CNTN3: variants seen among roughly 807,000 people sequenced by gnomAD.
The protein encoded by CNTN3 is contactin-3.
In CNTN3, 60 loss-of-function variants were observed where a neutral mutation model predicts 119.1. The observed-to-expected ratio is 0.50, with a 90% confidence interval of 0.41 to 0.62. CNTN3 has a LOEUF of 0.62. Among genes scored for constraint, CNTN3 ranks in the 20% least tolerant of loss-of-function variants. CNTN3 has a pLI of 0.00. For missense variants in CNTN3, 1,101 were observed against 1,242.4 expected (o/e 0.89, Z 1.71); for synonymous variants, 450 against 438.7 (o/e 1.03, Z -0.32).
chr3:74,488,929 C>A (rs949009428), intron 3 of CNTN3, among the ~76,000 whole-genome samples: 1 of 152,158 alleles, frequency 6.6e-6, no homozygotes, highest in South Asian at 2.1e-4. Context: ...CAAATCAAGT[C>A]CATATCTCAT....
chr3:74,456,290 A>G (rs1702268332), intron 4 of CNTN3, among the ~76,000 whole-genome samples: 1 of 152,056 alleles, frequency 6.6e-6, no homozygotes, highest in Non-Finnish European at 1.5e-5. Context: ...TTAGTTAGTT[A>G]CTTTTAAACT....
chr3:74,417,425 A>G (rs1701541696), intron 5 of CNTN3, among the ~76,000 whole-genome samples: 1 of 152,236 alleles, frequency 6.6e-6, no homozygotes, highest in Admixed American at 6.5e-5. Flanking sequence ...GTGAAGACAC[A>G]TATTTATTAT....
At chr3:74,547,089 T>A (rs1353755830) in intron 1 of CNTN3, among the ~76,000 whole-genome samples, 1 of 152,188 alleles carries the variant, frequency 6.6e-6, no homozygotes, top group African/African-American at 2.4e-5. Flanking sequence ...TCTTCCATAA[T>A]TTTCCCTAAT....
At chr3:74,296,930 T>C (rs1206845875) in intron 18 of CNTN3, among the ~76,000 whole-genome samples, 2 of 151,652 alleles carry the variant, frequency 1.3e-5, no homozygotes, top group East Asian at 1.9e-4. Flanking sequence ...ATCTATGAAA[T>C]GGCAATTTTG....
chr3:74,321,053 G>A (rs909173250), intron 13 of CNTN3, among the ~76,000 whole-genome samples: 4 of 151,794 alleles, frequency 2.6e-5, no homozygotes, highest in African/African-American at 9.7e-5. Flanking sequence ...AATACCAAAT[G>A]TTCTCAGTTA....
At chr3:74,610,911 C>T (rs1272703505) in intron 1 of CNTN3, among the ~76,000 whole-genome samples, 3 of 152,132 alleles carry the variant, frequency 2.0e-5, no homozygotes, top group African/African-American at 7.2e-5. Context: ...AAGATTTACC[C>T]TATTAAAACA....
rs775669697 is a variant in CNTN3 at position 74,285,388 on chromosome 3, G to T, written c.2621C>A (p.Ala874Asp). The change falls in exon 20 of 23, where the codon GCC becomes GAC. Residue 874 changes from alanine (A) to aspartate (D), a missense_variant. Coordinates refer to ENST00000263665, the MANE Select transcript of CNTN3 (RefSeq NM_020872.3). Reference sequence around the variant, plus strand: ...GTAAGCCCGGACAGCCGTGTAATAGGCCAGGTTGCTCTTCAGGCCCCGTAG... The same window carrying T: ...GTAAGCCCGGACAGCCGTGTAATAGTCCAGGTTGCTCTTCAGGCCCCGTAG... ...ARLRGLKSNLAYYTAVRAYNS... is the reference protein window; with the variant it reads ...ARLRGLKSNLDYYTAVRAYNS... 1.3e-5 allele frequency: 21 copies of T among 1,613,466 alleles called. No individual in the cohort carries two copies. Among genetic ancestry groups the T allele is most frequent in the Non-Finnish European group, 1.8e-5 (21 of 1,179,780 alleles).
chr3:74,480,650 TA>T (rs952092820), intron 4 of CNTN3, among the ~76,000 whole-genome samples: 1 of 151,786 alleles, frequency 6.6e-6, no homozygotes, highest in Non-Finnish European at 1.5e-5. Context: ...TCCTTAAAAA[TA>T]AAAAAATATA....
chr3:74,546,929 TATTTC>T (rs1703923672), intron 1 of CNTN3, among the ~76,000 whole-genome samples: 2 of 152,034 alleles, frequency 1.3e-5, no homozygotes, highest in South Asian at 2.1e-4. Flanking sequence ...CCATTTACTT[TATTTC>T]ATTTCTCCTT....
intron 2 of CNTN3, among the ~76,000 whole-genome samples, chr3:74,505,526 A>C (rs1245146193): frequency 1.5e-5 from 2 of 129,340 alleles, no homozygotes; most frequent in African/African-American, 5.4e-5. Context: ...CACACACACC[A>C]CACATACACA....
At chr3:74,505,227 G>A (rs6549611) in intron 2 of CNTN3, among the ~76,000 whole-genome samples, 75,720 of 151,644 alleles carry the variant, frequency 0.5, 20,160 homozygotes, top group Middle Eastern at 0.62. Flanking sequence ...ACTCCAACAT[G>A]TGAATTGGGG....
chr3:74,585,141 A>G (rs1170698806), intron 1 of CNTN3, among the ~76,000 whole-genome samples: 1 of 152,198 alleles, frequency 6.6e-6, no homozygotes, highest in Admixed American at 6.5e-5. Context: ...TTAATAAAAT[A>G]CTGTAGCTGA....
rs371362676 is a variant in CNTN3, at chr3:74,264,302, AT to A, written c.*98del. 6.0e-4 allele frequency: 293 copies of A among 485,702 alleles called. No individual in the cohort carries two copies. Among genetic ancestry groups the A allele is most frequent in the African/African-American group, 4.3e-3 (214 of 49,932 alleles). The allele number at this position is 485,702 out of a possible 1,614,324, so 30.1% of individuals were successfully genotyped here. On this transcript the variant is annotated 3_prime_UTR_variant, in exon 23 of 23. Transcript: ENST00000263665. Reference sequence around the variant, plus strand: ...CCTATAATGAAGTAGAAAGTTAAAAATAAGAGTTGAAAAAAACATGCATAAT... The same window carrying A: ...CCTATAATGAAGTAGAAAGTTAAAAAAAGAGTTGAAAAAAACATGCATAAT...
In CNTN3 at chr3:74,484,288, C is replaced by T. The variant is rs537613654; in HGVS notation, c.358+2168G>A. On this transcript the variant is annotated intron_variant, in intron 4 of 22. Coordinates refer to ENST00000263665, the MANE Select transcript of CNTN3 (RefSeq NM_020872.3). Reference sequence around the variant, plus strand: ...TAAAAATAGAAACACCAAATGGAAGCGGTGGAGGAAACCCTGCCTCTAAGA... The same window carrying T: ...TAAAAATAGAAACACCAAATGGAAGTGGTGGAGGAAACCCTGCCTCTAAGA... Among the ~76,000 whole-genome samples the T allele has an allele frequency of 2.0e-5, 3 of 152,068 alleles. No individual in the cohort carries two copies. The South Asian group carries it at 6.2e-4, about 32-fold the overall frequency.
At chr3:74,302,618 A>G in intron 14 of CNTN3, 72 bp downstream of exon 14, 2 of 881,108 alleles carry the variant, frequency 2.3e-6, no homozygotes, top group South Asian at 1.5e-5. Context: ...CTATCTCATC[A>G]TGGTTTTTCC....
chr3:74,298,501 T>C (rs1441439254), intron 17 of CNTN3, among the ~76,000 whole-genome samples: 2 of 152,008 alleles, frequency 1.3e-5, no homozygotes, highest in Non-Finnish European at 2.9e-5. Context: ...CAGTTGAAAA[T>C]ATCTGATCTC....
At chr3:74,577,010 C>T (rs1452872468) in intron 1 of CNTN3, among the ~76,000 whole-genome samples, 1 of 152,068 alleles carries the variant, frequency 6.6e-6, no homozygotes, top group Non-Finnish European at 1.5e-5. Flanking sequence ...TCTTACCATA[C>T]TTGAGGGTGA....
At chr3:74,605,419 AAAGT>A (rs1704975545) in intron 1 of CNTN3, among the ~76,000 whole-genome samples, 1 of 152,156 alleles carries the variant, frequency 6.6e-6, no homozygotes, top group African/African-American at 2.4e-5. Flanking sequence ...TTCCAAATTA[AAAGT>A]AATTATATTA....
chr3:74,531,462 C>T (rs987350660), intron 1 of CNTN3, among the ~76,000 whole-genome samples: 3 of 151,958 alleles, frequency 2.0e-5, no homozygotes, highest in African/African-American at 7.2e-5. Flanking sequence ...CATCCTAGAA[C>T]AGGTAGCATC....
Sources: gnomAD v4.1 joint callset for allele counts (sites outside exome capture counted in the v4.1 genomes callset) on GRCh38, gnomAD v4.1.1 for gene constraint, MANE v1.5 for transcripts, NCBI Gene and HGNC (gene_info 2026-07-23, HGNC 2026-07-21) for gene names.